The following EPHA7 variants were observed in gnomAD, a reference collection of about 807,000 sequenced individuals.
The protein encoded by EPHA7 is EPH receptor A7.
Under a neutral mutation model 112.6 loss-of-function variants are expected in EPHA7, and 25 were observed. That is an observed-to-expected ratio of 0.22 (90% CI 0.16 to 0.31). The LOEUF (loss-of-function observed/expected upper bound fraction) is 0.31, where lower values mean the gene tolerates loss of function less well. Ranked by LOEUF, EPHA7 falls within the 10% of genes least tolerant of loss-of-function variation. The probability of loss-of-function intolerance (pLI) is 1.00; values close to 1 mark genes in which losing one functional copy is unlikely to be tolerated. For synonymous variants in EPHA7, 437 were observed against 406.5 expected, an observed-to-expected ratio of 1.07 and a Z score of -0.90; for missense variants, 962 against 1,212.6, an observed-to-expected ratio of 0.79 and a Z score of 3.07.
At position 93,419,559 on chromosome 6, in the gene EPHA7, C is replaced by T; in HGVS notation, c.-218G>A. 2 of 414,832 alleles carry T rather than the reference C, an allele frequency of 4.8e-6. No homozygotes were observed. The highest frequency in any genetic ancestry group is 8.6e-6 in the Non-Finnish European group (2 of 233,708). The allele number at this position is 414,832 out of a possible 1,614,324, so 25.7% of individuals were successfully genotyped here. On this transcript the variant is annotated 5_prime_UTR_variant, in exon 1 of 17. Coordinates refer to ENST00000369303, the MANE Select transcript of EPHA7 (RefSeq NM_004440.4). ...TGCCTGCAAGTCTCCGACTGCAGAC[C>T]GGCCGCTTGCTCCACACTCCAATAA...
intron 15 of EPHA7, among the ~76,000 whole-genome samples, chr6:93,246,339 C>T (rs1231291001): frequency 5.3e-5 from 8 of 152,156 alleles, no homozygotes; most frequent in East Asian, 3.9e-4. Flanking sequence ...CGTGAGCCAC[C>T]GCACCTAGCC....
chr6:93,392,334 A>G (rs553793491), intron 3 of EPHA7, among the ~76,000 whole-genome samples: 25 of 152,048 alleles, frequency 1.6e-4, no homozygotes, highest in African/African-American at 5.8e-4. Context: ...AGGGATGGTT[A>G]CCTTTTCAGT....
intron 5 of EPHA7, among the ~76,000 whole-genome samples, chr6:93,344,097 GAA>G (rs1582559268): frequency 6.7e-6 from 1 of 148,598 alleles, no homozygotes; most frequent in Non-Finnish European, 1.5e-5. Flanking sequence ...ACTGGAGAAA[GAA>G]GAGATATATG....
intron 14 of EPHA7, among the ~76,000 whole-genome samples, chr6:93,248,881 A>G (rs780534189): frequency 1.3e-5 from 2 of 152,170 alleles, no homozygotes; most frequent in Non-Finnish European, 2.9e-5. Context: ...CCCAAATACA[A>G]TATATGCTCA....
In EPHA7 at chr6:93,311,363, A is replaced by G. The variant is rs541738257; in HGVS notation, c.1325-38941T>C. Among the ~76,000 whole-genome samples the G allele has an allele frequency of 1.1e-4, 16 of 152,156 alleles. No individual in the cohort carries two copies. The South Asian group carries it at 3.3e-3, about 32-fold the overall frequency. Reference sequence around the variant, plus strand: ...TATCAGCTAAGTTTATGTAAGTAATATTTTAAGTCCTTCTTTGTCATTTCA... The same window carrying G: ...TATCAGCTAAGTTTATGTAAGTAATGTTTTAAGTCCTTCTTTGTCATTTCA... On this transcript the variant is annotated intron_variant, in intron 5 of 16. Transcript: ENST00000369303.
chr6:93,350,423 T>C (rs1775632334), intron 5 of EPHA7, among the ~76,000 whole-genome samples: 1 of 152,020 alleles, frequency 6.6e-6, no homozygotes, highest in African/African-American at 2.4e-5. Flanking sequence ...GTCATCACTA[T>C]ATAATTTACC....
chr6:93,357,122 A>G (rs573726202), intron 4 of EPHA7, 70 bp from the exon 5 acceptor site: 1 of 1,268,590 alleles, frequency 7.9e-7, no homozygotes, highest in South Asian at 1.5e-5. Flanking sequence ...AAAAAGAACA[A>G]AAGGATCTGT....
At chr6:93,405,265 T>C (rs1372183113) in intron 3 of EPHA7, among the ~76,000 whole-genome samples, 1 of 151,896 alleles carries the variant, frequency 6.6e-6, no homozygotes, top group Non-Finnish European at 1.5e-5. Flanking sequence ...ATATCATTGA[T>C]ATTCTATAGA....
chr6:93,311,112 C>CTTTTTTTTTTTTTTTTTTTTTT (rs1434719790), intron 5 of EPHA7, among the ~76,000 whole-genome samples: 1 of 71,028 alleles, frequency 1.4e-5, no homozygotes, highest in Non-Finnish European at 2.7e-5. Context: ...TCATGCCCAG[C>CTTTTTTTTTTTTTTTTTTTTTT]TATTTTTTTT....
chr6:93,287,498 T>C (rs1772126865), intron 5 of EPHA7, among the ~76,000 whole-genome samples: 1 of 151,892 alleles, frequency 6.6e-6, no homozygotes, highest in African/African-American at 2.4e-5. Context: ...CACATTCTCT[T>C]CTAGTTTTTC....
intron 5 of EPHA7, among the ~76,000 whole-genome samples, chr6:93,285,835 G>T (rs1001502435): frequency 9.2e-5 from 14 of 152,260 alleles, no homozygotes; most frequent in South Asian, 4.2e-4. Context: ...ATGATGTACT[G>T]ACTTTCATCT....
At chr6:93,328,724 A>T (rs1399518189) in intron 5 of EPHA7, among the ~76,000 whole-genome samples, 1 of 151,384 alleles carries the variant, frequency 6.6e-6, no homozygotes, top group East Asian at 1.9e-4. Context: ...ATATATTCTC[A>T]TTAGCGAATT....
Position 93,290,786 on chromosome 6 carries a change from G to A in EPHA7, c.1325-18364C>T, listed in dbSNP as rs369243847. ...AGGACTTCTCACTAAACATAACAGC[G>A]AGGCTCTTACGAATGCCCAGTGTCC... On this transcript the variant is annotated intron_variant, in intron 5 of 16. Transcript: ENST00000369303. 2.0e-5 allele frequency among the ~76,000 whole-genome samples: 3 copies of A among 152,202 alleles called. No individual in the cohort carries two copies. The East Asian group carries it at 5.8e-4, about 29-fold the overall frequency.
intron 1 of EPHA7, among the ~76,000 whole-genome samples, chr6:93,415,993 A>C (rs189507238): frequency 2.0e-4 from 30 of 152,310 alleles, no homozygotes; most frequent in Admixed American, 1.8e-3. Flanking sequence ...ACTCACTGTA[A>C]ATGAAAATAG....
intron 5 of EPHA7, among the ~76,000 whole-genome samples, chr6:93,279,959 A>G (rs1174750287): frequency 6.6e-6 from 1 of 152,158 alleles, no homozygotes; most frequent in African/African-American, 2.4e-5. Flanking sequence ...CCCAAAAGGT[A>G]TGATTACTAT....
At chr6:93,305,538 G>T (rs1025104241) in intron 5 of EPHA7, among the ~76,000 whole-genome samples, 24 of 151,822 alleles carry the variant, frequency 1.6e-4, no homozygotes, top group African/African-American at 5.8e-4. Context: ...GGTAACCAAA[G>T]AAGCAAAATA....
At chr6:93,265,020 A>C (rs1770864932) in intron 7 of EPHA7, among the ~76,000 whole-genome samples, 1 of 151,652 alleles carries the variant, frequency 6.6e-6, no homozygotes, top group Admixed American at 6.6e-5. Context: ...ATGTGCTATT[A>C]AATCCCTATT....
intron 16 of EPHA7, among the ~76,000 whole-genome samples, chr6:93,244,143 T>A (rs1189687101): frequency 6.6e-6 from 1 of 152,158 alleles, no homozygotes; most frequent in African/African-American, 2.4e-5. Context: ...AAGAATTGGA[T>A]CTGTGTTTTG....
Position 93,356,341 on chromosome 6 carries a change from G to A in EPHA7, c.1324+376C>T, listed in dbSNP as rs540424110. Among the ~76,000 whole-genome samples, 17 of 151,948 alleles carry A rather than the reference G, an allele frequency of 1.1e-4. No individual in the cohort carries two copies. In the South Asian group the frequency reaches 3.5e-3, roughly 32 times the overall value. ...TCCTGCCTCAGCCTCTCAAGTAACT[G>A]GGACTACAGGTGTGCACCACCATGC... On this transcript the variant is annotated intron_variant, in intron 5 of 16. Transcript: ENST00000369303.
Sources: allele counts gnomAD v4.1 joint callset (sites outside exome capture counted in the v4.1 genomes callset), GRCh38; gene constraint gnomAD v4.1.1; transcripts MANE v1.5; gene names NCBI Gene and HGNC (gene_info 2026-07-23, HGNC 2026-07-21).